The following SPARCL1 variants were observed in gnomAD, a reference collection of about 807,000 sequenced individuals.
SPARCL1 encodes SPARC like 1.
Under a neutral mutation model 67.1 loss-of-function variants are expected in SPARCL1, and 52 were observed. The observed-to-expected ratio is 0.78, with a 90% CI of 0.62 to 0.98. The LOEUF is 0.98. Ranked by LOEUF, SPARCL1 falls within the 50% of genes least tolerant of loss-of-function variation. SPARCL1 has a pLI of 0.00. For missense variants in SPARCL1, 717 were observed against 782.4 expected (o/e 0.92, Z 1.00); for synonymous variants, 226 against 267.8 (o/e 0.84, Z 1.52).
chr4:87,490,291 A>G lies in SPARCL1; in HGVS notation c.1513T>C (p.Tyr505His). The G allele has an allele frequency of 6.2e-7, 1 of 1,611,600 alleles. No individual in the cohort carries two copies. Among genetic ancestry groups the G allele is most frequent in the Middle Eastern group, 1.7e-4 (1 of 6,042 alleles). The change falls in exon 7 of 11, where the codon TAT (tyrosine) becomes CAT (histidine). Residue 505 changes from tyrosine (Y) to histidine (H), a missense_variant. Coordinates refer to ENST00000282470, the MANE Select transcript of SPARCL1 (RefSeq NM_004684.6). ...ATCTTACATTTGCAGGCTCCAAAAT[A>G]ATCCAGCTGGAGTTGATGCCCCTTT... is the stretch of plus-strand genomic sequence containing the variant. ...TKKGHQLQLD[Y>H]FGACKSIPTC...
intron 5 of SPARCL1, among the ~76,000 whole-genome samples, chr4:87,491,085 A>G (rs900905778): frequency 1.3e-5 from 2 of 152,232 alleles, no homozygotes; most frequent in African/African-American, 4.8e-5. Flanking sequence ...TGATAATTTT[A>G]CTGATTATTT....
At chr4:87,507,851 T>C (rs1385450287) in intron 1 of SPARCL1, among the ~76,000 whole-genome samples, 2 of 152,162 alleles carry the variant, frequency 1.3e-5, no homozygotes, top group Non-Finnish European at 2.9e-5. Flanking sequence ...CCTCTTGGGG[T>C]TCGATTAATT....
intron 1 of SPARCL1, among the ~76,000 whole-genome samples, chr4:87,512,957 T>C (rs1725433913): frequency 6.6e-6 from 1 of 152,196 alleles, no homozygotes. Flanking sequence ...TAAAATAGTA[T>C]GAAGATTAAG....
chr4:87,497,510 A>G (rs765429476), intron 2 of SPARCL1, among the ~76,000 whole-genome samples: 8 of 152,248 alleles, frequency 5.3e-5, no homozygotes, highest in Non-Finnish European at 1.2e-4. Context: ...TTTTATCACT[A>G]TGGGCATATT....
At chr4:87,501,488 T>C (rs1724846761) in intron 1 of SPARCL1, among the ~76,000 whole-genome samples, 1 of 152,138 alleles carries the variant, frequency 6.6e-6, no homozygotes, top group African/African-American at 2.4e-5. Context: ...TGAATAGATA[T>C]AGAATTCTAG....
intron 1 of SPARCL1, among the ~76,000 whole-genome samples, chr4:87,506,781 TCATC>T (rs1484976178): frequency 4.2e-4 from 19 of 45,544 alleles, no homozygotes; most frequent in East Asian, 3.0e-3. Context: ...TATCTATCTA[TCATC>T]TATCTATCTA....
At chr4:87,523,397 G>A (rs752635469) in intron 1 of SPARCL1, among the ~76,000 whole-genome samples, 7 of 152,168 alleles carry the variant, frequency 4.6e-5, no homozygotes, top group Non-Finnish European at 8.8e-5. Flanking sequence ...ATTATTGCAA[G>A]TTGGAATCAC....
chr4:87,480,462 A>C lies in SPARCL1; in HGVS notation c.1727T>G (p.Leu576Arg), dbSNP rs1723770160. 1 of 1,613,352 alleles carries C rather than the reference A, an allele frequency of 6.2e-7. No individual in the cohort carries two copies. Among genetic ancestry groups the C allele is most frequent in the Admixed American group, 1.7e-5 (1 of 59,950 alleles). Reference protein sequence around the residue: ...RLLAGDHPIDLLLRDFKKNYH... With the variant: ...RLLAGDHPIDRLLRDFKKNYH... ...GTTTTTCTTAAAGTCCCTTAAGAGAAGATCAATGGGATGGTCCCCAGCCAA... is the reference window on the plus strand; with the variant it reads ...GTTTTTCTTAAAGTCCCTTAAGAGACGATCAATGGGATGGTCCCCAGCCAA... Residue 576 changes from leucine (L) to arginine (R), a missense_variant, in exon 9 of 11, where the codon CTT becomes CGT. By Grantham distance (102) the Leu-to-Arg change is moderately radical. Transcript: ENST00000282470.
intron 1 of SPARCL1, among the ~76,000 whole-genome samples, chr4:87,518,209 T>C (rs1725661797): frequency 1.3e-5 from 2 of 152,044 alleles, no homozygotes; most frequent in African/African-American, 4.8e-5. Context: ...AGAGAGAAAA[T>C]GTTAAGAAGA....
At chr4:87,515,681 T>G (rs568473250) in intron 1 of SPARCL1, among the ~76,000 whole-genome samples, 1 of 152,254 alleles carries the variant, frequency 6.6e-6, no homozygotes, top group East Asian at 1.9e-4. Context: ...TAGACAGCAT[T>G]TTATAGAGAA....
At chr4:87,486,316 G>A (rs771883831) in intron 7 of SPARCL1, among the ~76,000 whole-genome samples, 1 of 151,952 alleles carries the variant, frequency 6.6e-6, no homozygotes, top group African/African-American at 2.4e-5. Flanking sequence ...CCTTAATTTC[G>A]TTATTTACCC....
At chr4:87,502,662 C>T (rs1724899151) in intron 1 of SPARCL1, among the ~76,000 whole-genome samples, 1 of 123,912 alleles carries the variant, frequency 8.1e-6, no homozygotes, top group African/African-American at 3.2e-5. Flanking sequence ...CTGTTTCCTT[C>T]TTGTTCCTTT....
chr4:87,499,449 T>C, intron 2 of SPARCL1, 72 bp downstream of exon 2: 1 of 1,218,808 alleles, frequency 8.2e-7, no homozygotes. Context: ...AAGAACATTT[T>C]CTTTTAAATG....
At chr4:87,511,967 C>CTCTTTTTTTTTTTTTTT (rs71667858) in intron 1 of SPARCL1, among the ~76,000 whole-genome samples, 2 of 121,566 alleles carry the variant, frequency 1.6e-5, no homozygotes, top group Admixed American at 8.8e-5. Context: ...CTTTCTTTCT[C>CTCTTTTTTTTTTTTTTT]TTTTTTTTTT....
At chr4:87,500,802 G>A (rs1232446166) in intron 1 of SPARCL1, among the ~76,000 whole-genome samples, 1 of 138,254 alleles carries the variant, frequency 7.2e-6, no homozygotes, top group Admixed American at 7.0e-5. Flanking sequence ...ACGCACATAC[G>A]CGCGCACGCA....
At chr4:87,483,292 T>C (rs962228253) in intron 7 of SPARCL1, among the ~76,000 whole-genome samples, 3 of 152,146 alleles carry the variant, frequency 2.0e-5, no homozygotes, top group Non-Finnish European at 4.4e-5. Context: ...TGTGTCCATG[T>C]GTTTTCACTG....
intron 1 of SPARCL1, among the ~76,000 whole-genome samples, chr4:87,505,514 T>G (rs530743864): frequency 6.6e-6 from 1 of 152,164 alleles, no homozygotes; most frequent in Admixed American, 6.5e-5. Context: ...CCACAAATAT[T>G]TATTAGAGTT....
In SPARCL1 at chr4:87,479,577, C is replaced by A; in HGVS notation, c.1819G>T (p.Val607Phe). 6.2e-7 allele frequency: 1 copy of A among 1,613,638 alleles called. No homozygotes were observed. Among genetic ancestry groups the A allele is most frequent in the Non-Finnish European group, 8.5e-7 (1 of 1,179,848 alleles). Residue 607 changes from valine to phenylalanine, a missense_variant and splice_region_variant, in exon 10 of 11, where the codon GTC becomes TTC. Val to Phe is a conservative substitution (Grantham distance 50). Transcript: ENST00000282470. The stretch of plus-strand genomic sequence containing the variant: ...GGAGCAAGTTCAGAATGTGTCAAGA[C>A]TCTGCAATGAAATACATGGCATCCT... The part of the protein sequence containing the change: ...SELDQHPMDR[V>F]LTHSELAPLR...
Position 87,490,276 on chromosome 4 carries a change from T to C in SPARCL1, c.1528A>G (p.Lys510Glu), listed in dbSNP as rs754010363. 2 of 1,609,518 alleles carry C rather than the reference T, an allele frequency of 1.2e-6. No individual in the cohort carries two copies. The highest frequency in any genetic ancestry group is 1.7e-6 in the Non-Finnish European group (2 of 1,178,370). The change falls in exon 7 of 11, where the codon AAA becomes GAA. Residue 510 changes from lysine to glutamate, a missense_variant. Coordinates refer to ENST00000282470, the MANE Select transcript of SPARCL1 (RefSeq NM_004684.6). ...GACAGGAGGGACATAATCTTACATT[T>C]GCAGGCTCCAAAATAATCCAGCTGG... is the stretch of plus-strand genomic sequence containing the variant. ...QLQLDYFGAC[K>E]SIPTCTDFEV... is the part of the protein sequence containing the mutation.
Sources: allele counts gnomAD v4.1 joint callset (sites outside exome capture counted in the v4.1 genomes callset), GRCh38; gene constraint gnomAD v4.1.1; transcripts MANE v1.5; gene names NCBI Gene and HGNC (gene_info 2026-07-23, HGNC 2026-07-21).